Variants in TNFRSF11B observed in about 807,000 individuals in gnomAD.
TNFRSF11B encodes the protein TNF receptor superfamily member 11b, also known as tumor necrosis factor receptor superfamily member 11B.
In TNFRSF11B, 16 loss-of-function variants were observed where a neutral mutation model predicts 43.4. The ratio of observed to expected loss-of-function variants is 0.37; its 90% confidence interval spans 0.25 to 0.56. The LOEUF (loss-of-function observed/expected upper bound fraction) is 0.56, where lower values mean the gene tolerates loss of function less well. Ranked by LOEUF, TNFRSF11B falls within the 20% of genes least tolerant of loss-of-function variation. The probability of loss-of-function intolerance (pLI) is 0.80; values close to 1 mark genes in which losing one functional copy is unlikely to be tolerated. For synonymous variants in TNFRSF11B, 185 were observed against 181.8 expected (o/e 1.02, Z -0.14); for missense variants, 444 against 490.1 (o/e 0.91, Z 0.89).
rs556636514 is a variant in TNFRSF11B, at chr8:118,924,568, C to T, written c.1012G>A (p.Asp338Asn). ...LLSLWRIKNGDQDTLKGLMHA... is the reference protein window; with the variant it reads ...LLSLWRIKNGNQDTLKGLMHA... ...ATTAGGCCCTTCAAGGTGTCTTGGT[C>T]GCCATTTTTTATTCGCCACAAACTG... The change falls in exon 5 of 5, where the codon GAC (aspartate) becomes AAC (asparagine). Residue 338 changes from aspartate (D) to asparagine (N), a missense_variant. Asp to Asn is a conservative substitution (Grantham distance 23, BLOSUM62 1). Transcript: ENST00000297350. 3.1e-6 allele frequency: 5 copies of T among 1,614,058 alleles called. No individual in the cohort carries two copies. The highest frequency in any genetic ancestry group is 1.6e-4 in the Middle Eastern group (1 of 6,062).
chr8:118,931,443 TC>T (rs1416358989), intron 2 of TNFRSF11B, among the ~76,000 whole-genome samples: 1 of 152,230 alleles, frequency 6.6e-6, no homozygotes, highest in Non-Finnish European at 1.5e-5. Context: ...TTCAAAATTT[TC>T]TAGTTTCCAA....
chr8:118,928,689 G>C, intron 3 of TNFRSF11B, 49 bp downstream of exon 3: 1 of 1,592,896 alleles, frequency 6.3e-7, no homozygotes, highest in South Asian at 1.1e-5. Context: ...CTCAGAGAGA[G>C]AGATGATACT....
At chr8:118,931,242 CTCT>C (rs1410668086) in intron 2 of TNFRSF11B, among the ~76,000 whole-genome samples, 1 of 152,150 alleles carries the variant, frequency 6.6e-6, no homozygotes, top group Non-Finnish European at 1.5e-5. Flanking sequence ...GGCTGGAAAC[CTCT>C]TATTTCCCAA....
chr8:118,936,198 A>G (rs1812403563), intron 1 of TNFRSF11B, among the ~76,000 whole-genome samples: 1 of 152,244 alleles, frequency 6.6e-6, no homozygotes, highest in Admixed American at 6.5e-5. Context: ...AGAGAAATGA[A>G]GAAATAAGGT....
chr8:118,927,410 CA>C (rs894966872), intron 3 of TNFRSF11B, among the ~76,000 whole-genome samples: 5 of 152,110 alleles, frequency 3.3e-5, no homozygotes, highest in African/African-American at 1.2e-4. Flanking sequence ...GCAACTTTCA[CA>C]GTGTTTTTAT....
intron 1 of TNFRSF11B, among the ~76,000 whole-genome samples, chr8:118,945,482 A>G (rs1812548598): frequency 6.6e-6 from 1 of 152,150 alleles, no homozygotes. Context: ...ACACATTCAT[A>G]ACTTCTATGC....
intron 1 of TNFRSF11B, among the ~76,000 whole-genome samples, chr8:118,949,676 C>T (rs934009435): frequency 6.6e-6 from 1 of 152,152 alleles, no homozygotes; most frequent in African/African-American, 2.4e-5. Flanking sequence ...TCTTTCTTTG[C>T]AACTCTATAT....
intron 2 of TNFRSF11B, among the ~76,000 whole-genome samples, chr8:118,929,230 C>A (rs1431565018): frequency 6.6e-6 from 1 of 152,192 alleles, no homozygotes; most frequent in Non-Finnish European, 1.5e-5. Context: ...GTCCAGCCTC[C>A]GCTGAGTGGC....
chr8:118,927,569 T>A (rs1438424419), intron 3 of TNFRSF11B, among the ~76,000 whole-genome samples: 1 of 150,916 alleles, frequency 6.6e-6, no homozygotes, highest in African/African-American at 2.4e-5. Flanking sequence ...TTTTTTTTTT[T>A]AGATAAGAAA....
rs184062255 is a variant in TNFRSF11B at position 118,940,264 on chromosome 8, G to A, written c.31-6964C>T. ...TTGATGGGTGCAGCAAACCAACATG[G>A]CGCATGTATACCTATGTATCAAACC... On this transcript the variant is annotated intron_variant, in intron 1 of 4. Transcript: ENST00000297350. Among the ~76,000 whole-genome samples the A allele has an allele frequency of 2.0e-5, 3 of 152,222 alleles. No individual in the cohort carries two copies. The East Asian group carries it at 5.8e-4, about 29-fold the overall frequency.
intron 3 of TNFRSF11B, among the ~76,000 whole-genome samples, chr8:118,928,355 T>A (rs1271951026): frequency 6.6e-6 from 1 of 152,188 alleles, no homozygotes; most frequent in Admixed American, 6.5e-5. Flanking sequence ...ACTTTGCTTC[T>A]TAGTTGCCAA....
At chr8:118,948,738 A>G (rs963046682) in intron 1 of TNFRSF11B, among the ~76,000 whole-genome samples, 2 of 152,062 alleles carry the variant, frequency 1.3e-5, no homozygotes, top group African/African-American at 2.4e-5. Flanking sequence ...TTTCCTAGAA[A>G]CTTCAGAGTA....
chr8:118,945,638 G>A (rs1447940164), intron 1 of TNFRSF11B, among the ~76,000 whole-genome samples: 1 of 152,088 alleles, frequency 6.6e-6, no homozygotes, highest in Admixed American at 6.6e-5. Context: ...TGAAATTGAT[G>A]CAAATTGATG....
intron 1 of TNFRSF11B, among the ~76,000 whole-genome samples, chr8:118,947,244 A>G (rs11573833): frequency 0.11 from 3,994 of 36,360 alleles, 170 homozygotes; most frequent in African/African-American, 0.44. Context: ...TGGAACATCC[A>G]TGGAAATTGC....
At chr8:118,942,528 A>G (rs2129915269) in intron 1 of TNFRSF11B, among the ~76,000 whole-genome samples, 2 of 152,268 alleles carry the variant, frequency 1.3e-5, no homozygotes. Context: ...CTGCATGTCT[A>G]TGATGTGCGA....
rs116446825 is a variant in TNFRSF11B, at chr8:118,945,656, G to T, written c.30+6136C>A. Among the ~76,000 whole-genome samples the T allele has an allele frequency of 2.1e-3, 316 of 152,216 alleles. 3 individuals carry two copies. The highest frequency in any genetic ancestry group is 7.3e-3 in the African/African-American group (304 of 41,540). ...AATTGATGCAAATTGATGGTCAGGAGAATTTTTTAAGGAATAGAGTGCTGA... is the reference window on the plus strand; with the variant it reads ...AATTGATGCAAATTGATGGTCAGGATAATTTTTTAAGGAATAGAGTGCTGA... On this transcript the variant is annotated intron_variant, in intron 1 of 4. Transcript: ENST00000297350.
chr8:118,946,269 A>C (rs1812559801), intron 1 of TNFRSF11B, among the ~76,000 whole-genome samples: 1 of 152,146 alleles, frequency 6.6e-6, no homozygotes, highest in African/African-American at 2.4e-5. Context: ...TTCTAGCCTC[A>C]GAACGTTCAT....
At position 118,931,890 on chromosome 8, in the gene TNFRSF11B, C is replaced by T. The variant is rs138660548; in HGVS notation, c.400+1041G>A. ...AACCAGGAGTGATTTTGCCACCTGA[C>T]GACATTTGACAGTGTCTGAAGACAT... On this transcript the variant is annotated intron_variant, in intron 2 of 4. Transcript: ENST00000297350. 1.4e-3 allele frequency among the ~76,000 whole-genome samples: 209 copies of T among 152,126 alleles called. 4 individuals are homozygous for T. Among genetic ancestry groups the T allele is most frequent in the African/African-American group, 4.3e-3 (177 of 41,516 alleles).
chr8:118,945,325 C>A (rs1048684730), intron 1 of TNFRSF11B, among the ~76,000 whole-genome samples: 3 of 151,970 alleles, frequency 2.0e-5, no homozygotes, highest in African/African-American at 7.3e-5. Flanking sequence ...TGCATCAGAC[C>A]TTCCACATAT....
Sources: allele counts gnomAD v4.1 joint callset (sites outside exome capture counted in the v4.1 genomes callset), GRCh38; gene constraint gnomAD v4.1.1; transcripts MANE v1.5; gene names NCBI Gene and HGNC (gene_info 2026-07-23, HGNC 2026-07-21).